The following EYS variants were observed in gnomAD, a reference collection of about 807,000 sequenced individuals.
EYS encodes the protein EGF-like photoreceptor maintenance factor, also known as protein eyes shut homolog.
In EYS, 250 loss-of-function variants were observed where a neutral mutation model predicts 282.1. The ratio of observed to expected loss-of-function variants is 0.89; its 90% confidence interval spans 0.80 to 0.98. The LOEUF is 0.98. Among genes scored for constraint, EYS ranks in the 50% least tolerant of loss-of-function variants. The pLI is 0.00. For missense variants in EYS, 4,016 were observed against 3,709.0 expected, an observed-to-expected ratio of 1.08 and a Z score of -2.15; for synonymous variants, 1,355 against 1,282.9, an observed-to-expected ratio of 1.06 and a Z score of -1.20.
At chr6:65,182,013 A>G (rs960037968) in intron 12 of EYS, among the ~76,000 whole-genome samples, 1 of 151,912 alleles carries the variant, frequency 6.6e-6, no homozygotes, top group Non-Finnish European at 1.5e-5. Flanking sequence ...AACAATGAGA[A>G]CACATGGACA....
At chr6:64,573,811 C>T (rs1765798655) in intron 26 of EYS, among the ~76,000 whole-genome samples, 1 of 152,124 alleles carries the variant, frequency 6.6e-6, no homozygotes, top group South Asian at 2.1e-4. Flanking sequence ...AACAGGAATG[C>T]TTTTACACTG....
chr6:65,591,919 T>C (rs922525756), intron 2 of EYS, among the ~76,000 whole-genome samples: 1 of 152,048 alleles, frequency 6.6e-6, no homozygotes. Context: ...AAGCACCATG[T>C]GTCATTATCT....
In EYS at chr6:64,027,345, T is replaced by C. The variant is rs1049761872; in HGVS notation, c.6726-28162A>G. Among the ~76,000 whole-genome samples, 5 of 152,194 alleles carry C rather than the reference T, an allele frequency of 3.3e-5. No homozygotes were observed. In the East Asian group the frequency reaches 9.7e-4, roughly 29 times the overall value. ...TATGAGAGGCCTTAAGAAAATATAC[T>C]CCCCTGTCACCTGAATCACTCCAAG... On this transcript the variant is annotated intron_variant, in intron 33 of 42. Coordinates refer to ENST00000503581, the MANE Select transcript of EYS (RefSeq NM_001142800.2).
At chr6:64,916,348 A>G (rs896542321) in intron 15 of EYS, among the ~76,000 whole-genome samples, 23 of 152,208 alleles carry the variant, frequency 1.5e-4, no homozygotes, top group Non-Finnish European at 1.9e-4. Context: ...ATGTGGTGTC[A>G]TTCCAAGGAT....
At chr6:64,924,925 C>A (rs1426569758) in intron 15 of EYS, among the ~76,000 whole-genome samples, 2 of 152,178 alleles carry the variant, frequency 1.3e-5, no homozygotes, top group Non-Finnish European at 2.9e-5. Context: ...CTGAGCCCTC[C>A]AAACTGTTCC....
chr6:64,038,658 T>C (rs1001706272), intron 33 of EYS, among the ~76,000 whole-genome samples: 8 of 151,152 alleles, frequency 5.3e-5, no homozygotes, highest in African/African-American at 1.5e-4. Flanking sequence ...AAAAATATCA[T>C]GGGCAATTTC....
chr6:64,903,844 C>A (rs1191332538), intron 16 of EYS, among the ~76,000 whole-genome samples: 2 of 152,110 alleles, frequency 1.3e-5, no homozygotes, highest in East Asian at 3.9e-4. Flanking sequence ...TGCAATTTAA[C>A]AGGGAGCTTG....
At chr6:64,443,547 T>C (rs964709555) in intron 26 of EYS, among the ~76,000 whole-genome samples, 27 of 152,202 alleles carry the variant, frequency 1.8e-4, no homozygotes, top group Non-Finnish European at 2.9e-5. Flanking sequence ...CCAAATCTCA[T>C]CTTGTAGCCC....
intron 29 of EYS, among the ~76,000 whole-genome samples, chr6:64,332,221 T>C (rs1027516211): frequency 5.9e-5 from 9 of 152,290 alleles, no homozygotes; most frequent in African/African-American, 1.9e-4. Context: ...CCCTACTAAA[T>C]TAACCGGGTA....
chr6:65,373,457 T>A (rs1765237422), intron 8 of EYS, among the ~76,000 whole-genome samples: 1 of 152,020 alleles, frequency 6.6e-6, no homozygotes, highest in African/African-American at 2.4e-5. Flanking sequence ...TATATAATAT[T>A]TTCTAGTGTC....
chr6:64,691,573 G>T (rs909352798), intron 22 of EYS, among the ~76,000 whole-genome samples: 17 of 152,088 alleles, frequency 1.1e-4, no homozygotes, highest in African/African-American at 3.6e-4. Flanking sequence ...AATATATGCT[G>T]CTGAGCTTTG....
intron 28 of EYS, among the ~76,000 whole-genome samples, chr6:64,410,915 T>A (rs1773868850): frequency 6.6e-6 from 1 of 152,148 alleles, no homozygotes; most frequent in Non-Finnish European, 1.5e-5. Flanking sequence ...AACATTAGAA[T>A]TTTGGATACT....
intron 22 of EYS, among the ~76,000 whole-genome samples, chr6:64,758,990 T>A (rs938308094): frequency 5.9e-5 from 9 of 151,740 alleles, no homozygotes; most frequent in African/African-American, 1.9e-4. Flanking sequence ...TACAAAAAAA[T>A]TAACCAGACG....
At chr6:65,266,639 G>A (rs1254167861) in intron 12 of EYS, among the ~76,000 whole-genome samples, 1 of 151,706 alleles carries the variant, frequency 6.6e-6, no homozygotes, top group African/African-American at 2.4e-5. Context: ...TTGCATCAAT[G>A]TTCATCAGGG....
At chr6:65,244,932 T>G (rs1767144281) in intron 12 of EYS, among the ~76,000 whole-genome samples, 2 of 152,208 alleles carry the variant, frequency 1.3e-5, no homozygotes, top group Non-Finnish European at 2.9e-5. Context: ...CACACTAATG[T>G]CTAATTCGAA....
At chr6:63,786,956 A>G (rs1361483690) in intron 39 of EYS, among the ~76,000 whole-genome samples, 1 of 152,162 alleles carries the variant, frequency 6.6e-6, no homozygotes, top group Non-Finnish European at 1.5e-5. Context: ...ATGATTTATA[A>G]TAAATAGTAA....
Position 64,770,931 on chromosome 6 carries a change from G to A in EYS, c.3443+42447C>T, listed in dbSNP as rs75797472. On this transcript the variant is annotated intron_variant, in intron 22 of 42. Coordinates refer to ENST00000503581, the MANE Select transcript of EYS (RefSeq NM_001142800.2). ...GAGGAATAAATACTTTTTTGATCAA[G>A]AGGGATATAATATATTGCAATTCAA... Among the ~76,000 whole-genome samples the A allele has an allele frequency of 3.9e-3, 593 of 151,800 alleles. 11 individuals carry two copies. Among genetic ancestry groups the A allele is most frequent in the Middle Eastern group, 0.01 (3 of 294 alleles).
rs544276613 is a variant in EYS, at chr6:63,726,492, T to C, written c.8233+27A>G. The C allele has an allele frequency of 2.0e-6, 3 of 1,538,104 alleles. No homozygotes were observed. The South Asian group carries it at 3.7e-5, about 19-fold the overall frequency. ...TTAATAGACTATTAGGAATTCATTC[T>C]GCAAACAAACAGCCTGCCAATCTTA... On this transcript the variant is annotated intron_variant, in intron 42 of 42. Coordinates refer to ENST00000503581, the MANE Select transcript of EYS (RefSeq NM_001142800.2).
chr6:64,157,648 T>C (rs1209160260), intron 31 of EYS, among the ~76,000 whole-genome samples: 1 of 152,126 alleles, frequency 6.6e-6, no homozygotes, highest in Non-Finnish European at 1.5e-5. Flanking sequence ...GGGGCTAACA[T>C]AGAGCTTGGG....
Sources: gnomAD v4.1 joint callset for allele counts (sites outside exome capture counted in the v4.1 genomes callset) on GRCh38, gnomAD v4.1.1 for gene constraint, MANE v1.5 for transcripts, NCBI Gene and HGNC (gene_info 2026-07-23, HGNC 2026-07-21) for gene names.